MLLT10: variants seen among roughly 807,000 people sequenced by gnomAD.
The protein encoded by MLLT10 is MLLT10 histone lysine methyltransferase DOT1L cofactor.
Under a neutral mutation model 129.1 loss-of-function variants are expected in MLLT10, and 30 were observed. The ratio of observed to expected loss-of-function variants is 0.23; its 90% confidence interval spans 0.17 to 0.32. The LOEUF is 0.32. MLLT10 is among the 10% of genes least tolerant of loss of function. The pLI, the probability that MLLT10 is intolerant of heterozygous loss-of-function variation, is 1.00. For synonymous variants in MLLT10, 490 were observed against 446.4 expected (o/e 1.10, Z -1.23); for missense variants, 1,119 against 1,268.3 (o/e 0.88, Z 1.79).
intron 9 of MLLT10, among the ~76,000 whole-genome samples, chr10:21,661,400 C>T (rs1223801772): frequency 6.6e-6 from 1 of 152,164 alleles, no homozygotes; most frequent in African/African-American, 2.4e-5. Flanking sequence ...GCTGCAGTAT[C>T]AATTTCTATC....
intron 3 of MLLT10, among the ~76,000 whole-genome samples, chr10:21,551,289 C>CTTTTT (rs11461905): frequency 1.1e-5 from 1 of 91,966 alleles, no homozygotes; most frequent in African/African-American, 5.5e-5. Context: ...CGGATTGTAC[C>CTTTTT]TTTTTTTTTT....
chr10:21,626,305 G>C (rs1387183182), intron 8 of MLLT10: 10 of 1,199,774 alleles, frequency 8.3e-6, no homozygotes, highest in Non-Finnish European at 1.1e-5. Flanking sequence ...GCAGGGGCTG[G>C]TGGCTGGGCC....
intron 8 of MLLT10, among the ~76,000 whole-genome samples, chr10:21,636,556 C>T (rs1213673290): frequency 6.6e-6 from 1 of 151,432 alleles, no homozygotes; most frequent in Non-Finnish European, 1.5e-5. Context: ...TTTTATAGTG[C>T]CTAATATGAT....
intron 13 of MLLT10, chr10:21,708,667 C>T (rs1346709245): frequency 3.1e-5 from 31 of 984,680 alleles, no homozygotes; most frequent in Admixed American, 6.2e-5. Context: ...TGTAAGTATA[C>T]GTTGATGTAA....
At chr10:21,733,368 C>T in intron 18 of MLLT10, 136 bp from the exon 19 acceptor site, 1 of 599,786 alleles carries the variant, frequency 1.7e-6, no homozygotes, top group Non-Finnish European at 2.7e-6. Context: ...TTAAATCAGT[C>T]TTAGGAATAG....
chr10:21,670,249 C>A (rs2051254361), intron 9 of MLLT10, among the ~76,000 whole-genome samples, 200 bp from the exon 10 acceptor site: 1 of 151,844 alleles, frequency 6.6e-6, no homozygotes, highest in Non-Finnish European at 1.5e-5. Context: ...TAGGCTTTTT[C>A]TTTTCTTTTC....
At chr10:21,554,611 G>A (rs993834915) in intron 3 of MLLT10, among the ~76,000 whole-genome samples, 1 of 151,050 alleles carries the variant, frequency 6.6e-6, no homozygotes, top group Non-Finnish European at 1.5e-5. Context: ...GCACCACCAC[G>A]CCCGGCTAAT....
chr10:21,626,518 A>G (rs972393648), intron 8 of MLLT10, among the ~76,000 whole-genome samples: 5 of 152,172 alleles, frequency 3.3e-5, no homozygotes, highest in African/African-American at 4.8e-5. Flanking sequence ...AGCTGCATTA[A>G]TACATTCATG....
intron 17 of MLLT10, among the ~76,000 whole-genome samples, chr10:21,731,712 TG>T (rs1314165923): frequency 6.6e-6 from 1 of 152,222 alleles, no homozygotes; most frequent in Non-Finnish European, 1.5e-5. Flanking sequence ...ACTATATATC[TG>T]TGTTTCAGTA....
intron 8 of MLLT10, among the ~76,000 whole-genome samples, chr10:21,619,103 A>G (rs2045563485): frequency 6.6e-6 from 1 of 151,878 alleles, no homozygotes; most frequent in Non-Finnish European, 1.5e-5. Flanking sequence ...GTAAACATGT[A>G]TATCTTGATT....
In MLLT10 at chr10:21,731,050, T is replaced by C. The variant is rs117889443; in HGVS notation, c.2214T>C (p.Ser738=). Residue 738 remains serine (S), a synonymous_variant, in exon 17 of 23, where the codon AGT becomes AGC. Transcript: ENST00000307729. The stretch of plus-strand genomic sequence containing the variant: ...TTTTACTAGAACAGGGTACTCCTAG[T>C]GACAGTAAGTATTCATTTTCTTATA... ...QQFLLEQGTP[S]DILGMLKSLH... is the part of the protein sequence containing the mutation. 9.3e-6 allele frequency: 15 copies of C among 1,606,736 alleles called. No individual in the cohort carries two copies. The East Asian group carries it at 2.9e-4, about 31-fold the overall frequency.
chr10:21,721,579 T>C (rs1439315417), intron 14 of MLLT10, among the ~76,000 whole-genome samples: 1 of 152,146 alleles, frequency 6.6e-6, no homozygotes, highest in African/African-American at 2.4e-5. Flanking sequence ...ATATAAGAGG[T>C]AAACTCTTAA....
intron 8 of MLLT10, among the ~76,000 whole-genome samples, chr10:21,640,757 G>T (rs952406488): frequency 6.6e-6 from 1 of 152,158 alleles, no homozygotes; most frequent in Admixed American, 6.5e-5. Context: ...CAAAAGACAT[G>T]CAGAAATAAG....
intron 5 of MLLT10, among the ~76,000 whole-genome samples, chr10:21,610,046 A>G (rs919604149): frequency 1.6e-4 from 24 of 152,270 alleles, no homozygotes; most frequent in African/African-American, 4.6e-4. Flanking sequence ...CCTCTGCCCT[A>G]CTGCTCTGGA....
At chr10:21,579,069 TC>T (rs2041097330) in intron 3 of MLLT10, among the ~76,000 whole-genome samples, 1 of 152,244 alleles carries the variant, frequency 6.6e-6, no homozygotes, top group Non-Finnish European at 1.5e-5. Context: ...GTGTTTTCTT[TC>T]TTTTATCTGA....
intron 3 of MLLT10, among the ~76,000 whole-genome samples, chr10:21,575,073 ACTTTT>A (rs1254620342): frequency 1.2e-4 from 18 of 151,888 alleles, no homozygotes; most frequent in Non-Finnish European, 1.9e-4. Context: ...ATTCTCTGTT[ACTTTT>A]CTTTTCATTT....
At chr10:21,609,355 A>G (rs1039550840) in intron 5 of MLLT10, among the ~76,000 whole-genome samples, 1 of 152,238 alleles carries the variant, frequency 6.6e-6, no homozygotes, top group Non-Finnish European at 1.5e-5. Flanking sequence ...ACCGTTAGGT[A>G]TGAATGTGAT....
chr10:21,619,020 C>T (rs2045544855), intron 8 of MLLT10, among the ~76,000 whole-genome samples: 2 of 129,186 alleles, frequency 1.5e-5, no homozygotes, highest in African/African-American at 6.0e-5. Context: ...GCCACCGTGC[C>T]TGGTGACATA....
chr10:21,655,734 C>G (rs1199154205), intron 9 of MLLT10, among the ~76,000 whole-genome samples: 1 of 152,070 alleles, frequency 6.6e-6, no homozygotes, highest in East Asian at 1.9e-4. Flanking sequence ...GGAAACCTAC[C>G]TCATCTCCAT....
Sources: gnomAD v4.1 joint callset for allele counts (sites outside exome capture counted in the v4.1 genomes callset) on GRCh38, gnomAD v4.1.1 for gene constraint, MANE v1.5 for transcripts, NCBI Gene and HGNC (gene_info 2026-07-23, HGNC 2026-07-21) for gene names.